SLF1: variants seen among roughly 807,000 people sequenced by gnomAD.
SLF1 encodes the protein SMC5-SMC6 complex localization factor protein 1.
SLF1 carries 105 observed loss-of-function variants against 123.0 expected under a neutral mutation model. The ratio of observed to expected loss-of-function variants is 0.85; its 90% confidence interval spans 0.73 to 1.00. SLF1 has a LOEUF of 1.00. Ranked by LOEUF, SLF1 falls within the 50% of genes least tolerant of loss-of-function variation. SLF1 has a pLI of 0.00. For missense variants in SLF1, 1,239 were observed against 1,223.0 expected (o/e 1.01, Z -0.20); for synonymous variants, 434 against 406.6 (o/e 1.07, Z -0.81).
intron 9 of SLF1, 146 bp downstream of exon 9, chr5:94,654,898 A>G (rs1310023155): frequency 2.8e-5 from 16 of 574,906 alleles, no homozygotes; most frequent in Non-Finnish European, 4.9e-6. Context: ...TTAGTCTATT[A>G]TACAGTAATG....
chr5:94,686,428 T>C, intron 15 of SLF1, 145 bp from the exon 16 acceptor site: 3 of 862,186 alleles, frequency 3.5e-6, no homozygotes, highest in Non-Finnish European at 3.5e-6. Flanking sequence ...TATGACCTAT[T>C]TTTTGTGGAT....
intron 4 of SLF1, among the ~76,000 whole-genome samples, chr5:94,635,329 A>C (rs1258959457): frequency 7.6e-6 from 1 of 131,308 alleles, no homozygotes; most frequent in Non-Finnish European, 1.5e-5. Context: ...TAGGCAGTAC[A>C]TACTCGGCTT....
At chr5:94,671,037 G>A (rs1480274980) in intron 14 of SLF1, 29 bp downstream of exon 14, 21 of 1,399,412 alleles carry the variant, frequency 1.5e-5, no homozygotes, top group Non-Finnish European at 2.0e-5. Flanking sequence ...TAGATGAATA[G>A]TCTATGGAAA....
chr5:94,666,301 G>A (rs910966652), intron 12 of SLF1, among the ~76,000 whole-genome samples: 1 of 152,094 alleles, frequency 6.6e-6, no homozygotes, highest in Non-Finnish European at 1.5e-5. Flanking sequence ...AGAAATTTGT[G>A]TATTGTTTTT....
At chr5:94,693,302 T>G (rs185189116) in intron 20 of SLF1, among the ~76,000 whole-genome samples, 1 of 152,178 alleles carries the variant, frequency 6.6e-6, no homozygotes, top group East Asian at 1.9e-4. Context: ...TACCTTGTTT[T>G]TTTTAGTATT....
chr5:94,659,479 G>T (rs1190811893), intron 9 of SLF1, among the ~76,000 whole-genome samples: 1 of 152,076 alleles, frequency 6.6e-6, no homozygotes, highest in Non-Finnish European at 1.5e-5. Context: ...TTGTGAATTG[G>T]TTTTCATAGG....
chr5:94,679,269 A>G (rs1751472403), intron 15 of SLF1, among the ~76,000 whole-genome samples: 1 of 152,058 alleles, frequency 6.6e-6, no homozygotes, highest in African/African-American at 2.4e-5. Context: ...ATTACAGGAG[A>G]CTTCCCCCCA....
At chr5:94,630,424 C>A in intron 3 of SLF1, 79 bp from the exon 4 acceptor site, 1 of 1,425,480 alleles carries the variant, frequency 7.0e-7, no homozygotes, top group Non-Finnish European at 9.4e-7. Context: ...AAAAGGTTGA[C>A]TTTTATATTT....
At position 94,662,908 on chromosome 5, in the gene SLF1, A is replaced by T. The variant is rs1169453972; in HGVS notation, c.1209+557A>T. Among the ~76,000 whole-genome samples the T allele has an allele frequency of 2.6e-5, 4 of 152,142 alleles. No individual in the cohort carries two copies. The East Asian group carries it at 7.7e-4, about 29-fold the overall frequency. ...CAAATTATTCAAGGTAGTTACTTTT[A>T]TTATTAAGAATAGTTTGACCAAGGG... On this transcript the variant is annotated intron_variant, in intron 10 of 20. Coordinates refer to ENST00000265140, the MANE Select transcript of SLF1 (RefSeq NM_032290.4).
intron 6 of SLF1, among the ~76,000 whole-genome samples, chr5:94,650,462 A>C (rs542528037): frequency 6.6e-6 from 1 of 150,768 alleles, no homozygotes; most frequent in South Asian, 2.1e-4. Context: ...TCCTGGGTTC[A>C]CGCCATTCTC....
chr5:94,677,283 A>G (rs1265742946), intron 14 of SLF1, among the ~76,000 whole-genome samples: 2 of 152,284 alleles, frequency 1.3e-5, no homozygotes, highest in East Asian at 3.9e-4. Context: ...CGAAACATTA[A>G]AACCAGCTGA....
intron 4 of SLF1, among the ~76,000 whole-genome samples, chr5:94,632,776 C>G (rs1745344546): frequency 6.6e-6 from 1 of 152,090 alleles, no homozygotes; most frequent in African/African-American, 2.4e-5. Context: ...TCTCGGCTCA[C>G]TGGAAGCTCC....
chr5:94,620,166 C>T (rs1352767155), intron 1 of SLF1: 1 of 152,268 alleles, frequency 6.6e-6, no homozygotes, highest in Non-Finnish European at 1.5e-5. Context: ...AGGCGTGAGC[C>T]ACCGGGTAAC....
chr5:94,668,561 C>A (rs956022816), intron 12 of SLF1, among the ~76,000 whole-genome samples: 4 of 152,076 alleles, frequency 2.6e-5, no homozygotes, highest in Non-Finnish European at 4.4e-5. Flanking sequence ...GTCTCAAACT[C>A]CTGACCTTAG....
intron 9 of SLF1, 60 bp from the exon 10 acceptor site, chr5:94,662,238 G>T: frequency 7.0e-7 from 1 of 1,423,878 alleles, no homozygotes; most frequent in Non-Finnish European, 9.6e-7. Flanking sequence ...TTTTGGGGAA[G>T]CTGAAATGTA....
chr5:94,626,373 C>T (rs1370955185), intron 1 of SLF1, among the ~76,000 whole-genome samples: 1 of 151,934 alleles, frequency 6.6e-6, no homozygotes, highest in African/African-American at 2.4e-5. Context: ...CATAAGAGAC[C>T]AATCCCTATT....
chr5:94,669,381 G>GTT lies in SLF1; in HGVS notation c.1533-769_1533-768dup, dbSNP rs1313631540. On this transcript the variant is annotated intron_variant, in intron 12 of 20. Transcript: ENST00000265140. ...AGAGGTAGAAAGTTATAAGTGCATT[G>GTT]TTGATATAATCAATAAGAAAAGTGG... Among the ~76,000 whole-genome samples the GTT allele has an allele frequency of 3.9e-5, 6 of 152,240 alleles. No homozygotes were observed. The East Asian group carries it at 1.2e-3, about 29-fold the overall frequency.
chr5:94,662,603 G>A (rs948595232), intron 10 of SLF1, among the ~76,000 whole-genome samples: 17 of 152,162 alleles, frequency 1.1e-4, no homozygotes, highest in African/African-American at 3.9e-4. Flanking sequence ...TATGACAGGT[G>A]AAATATACAT....
chr5:94,694,687 G>A, intron 20 of SLF1, 144 bp from the exon 21 acceptor site: 1 of 1,049,324 alleles, frequency 9.5e-7, no homozygotes, highest in Non-Finnish European at 1.3e-6. Context: ...TATATATATA[G>A]TCAGTTAATT....
Sources: gnomAD v4.1 joint callset for allele counts (sites outside exome capture counted in the v4.1 genomes callset) on GRCh38, gnomAD v4.1.1 for gene constraint, MANE v1.5 for transcripts, NCBI Gene and HGNC (gene_info 2026-07-23, HGNC 2026-07-21) for gene names.